DNAH9: variants seen among roughly 807,000 people sequenced by gnomAD.
DNAH9 encodes the protein dynein axonemal heavy chain 9, also known as DNAH9 variant protein.
Under a neutral mutation model 471.6 loss-of-function variants are expected in DNAH9, and 345 were observed. The ratio of observed to expected loss-of-function variants is 0.73; its 90% CI spans 0.67 to 0.80. The LOEUF is 0.80. Among genes scored for constraint, DNAH9 ranks in the 30% least tolerant of loss-of-function variants. The pLI, the probability that DNAH9 is intolerant of heterozygous loss-of-function variation, is 0.00. For missense variants in DNAH9, 5,407 were observed against 5,609.2 expected, an observed-to-expected ratio of 0.96 and a Z score of 1.15; for synonymous variants, 2,093 against 2,123.6, an observed-to-expected ratio of 0.99 and a Z score of 0.40.
At chr17:11,622,046 A>G (rs866678164) in intron 6 of DNAH9, among the ~76,000 whole-genome samples, 76 of 151,490 alleles carry the variant, frequency 5.0e-4, no homozygotes, top group African/African-American at 1.6e-3. Context: ...AGATCGCGCC[A>G]CTGCACTCCA....
rs201061782 is a variant in DNAH9 at position 11,757,511 on chromosome 17, A to G, written c.6848-34A>G. On this transcript the variant is annotated intron_variant, in intron 34 of 68. Transcript: ENST00000262442. ...GTGAAAAATATAATGATGTATATGG[A>G]ATATTCACTAAACTGTATTCTCTGT... The G allele has an allele frequency of 8.9e-6, 14 of 1,578,708 alleles. No individual in the cohort carries two copies. In the East Asian group the frequency reaches 2.9e-4, roughly 33 times the overall value.
chr17:11,730,941 G>A (rs561480866), intron 28 of DNAH9, among the ~76,000 whole-genome samples: 19 of 26,380 alleles, frequency 7.2e-4, no homozygotes, highest in South Asian at 0.015. Flanking sequence ...TGGTGATGAC[G>A]GTGATGATGA....
rs1270950169 is a variant in DNAH9 at position 11,932,529 on chromosome 17, C to T, written c.12297+324C>T. 6.6e-6 allele frequency among the ~76,000 whole-genome samples: 1 copy of T among 152,214 alleles called. No individual in the cohort carries two copies. Among genetic ancestry groups the T allele is most frequent in the African/African-American group, 2.4e-5 (1 of 41,470 alleles). On this transcript the variant is annotated intron_variant, in intron 64 of 68. Transcript: ENST00000262442. The surrounding 1 kb of genome is among the most constrained non-coding windows in gnomAD (Gnocchi z 4.3). ...GAATCTCAGGTCCCACCCAAACTTA[C>T]TGAATCAGCGCATTTTAACGAGATT... is the stretch of plus-strand genomic sequence containing the variant.
At position 11,892,359 on chromosome 17, in the gene DNAH9, T is replaced by G. The variant is rs1363540410; in HGVS notation, c.11283+412T>G. ...ATTTACCTTTAGACTGCAAGTTTACTGATGCAGCCATCCCCCGGGATAAGA... is the reference window on the plus strand; with the variant it reads ...ATTTACCTTTAGACTGCAAGTTTACGGATGCAGCCATCCCCCGGGATAAGA... On this transcript the variant is annotated intron_variant, in intron 58 of 68. Coordinates refer to ENST00000262442, the MANE Select transcript of DNAH9 (RefSeq NM_001372.4). The surrounding 1 kb of genome is among the most constrained non-coding windows in gnomAD (Gnocchi z 4.3). Among the ~76,000 whole-genome samples, 1 of 152,210 alleles carries G rather than the reference T, an allele frequency of 6.6e-6. No individual in the cohort carries two copies. The highest frequency in any genetic ancestry group is 2.4e-5 in the African/African-American group (1 of 41,460).
chr17:11,848,968 C>G (rs563608324), intron 49 of DNAH9, among the ~76,000 whole-genome samples: 1 of 152,148 alleles, frequency 6.6e-6, no homozygotes, highest in East Asian at 1.9e-4. Context: ...TCCCAAGTAG[C>G]TGGGACTACA....
chr17:11,871,153 C>T (rs998571466), intron 51 of DNAH9, among the ~76,000 whole-genome samples: 22 of 152,258 alleles, frequency 1.4e-4, no homozygotes, highest in African/African-American at 5.3e-4. Flanking sequence ...TCTGTCTCCT[C>T]GCCCGCTGTG....
chr17:11,901,219 C>T (rs4791483), intron 59 of DNAH9, among the ~76,000 whole-genome samples: 91,338 of 151,898 alleles, frequency 0.6, 30,598 homozygotes, highest in Middle Eastern at 0.76. Flanking sequence ...GTGCCCAGGG[C>T]AGAAGGGGAA....
chr17:11,829,722 C>T (rs1427514581), intron 48 of DNAH9, among the ~76,000 whole-genome samples: 1 of 152,218 alleles, frequency 6.6e-6, no homozygotes, highest in Non-Finnish European at 1.5e-5. Flanking sequence ...ATCCTCCCGC[C>T]TGGGCCTTCC....
chr17:11,824,995 A>G (rs1229928826), intron 48 of DNAH9, among the ~76,000 whole-genome samples: 1 of 124,474 alleles, frequency 8.0e-6, no homozygotes. Flanking sequence ...TTTTTTCTTT[A>G]TTTACCTTCA....
At chr17:11,828,459 G>A (rs891676389) in intron 48 of DNAH9, among the ~76,000 whole-genome samples, 3 of 125,974 alleles carry the variant, frequency 2.4e-5, no homozygotes, top group Non-Finnish European at 4.9e-5. Context: ...GGCAACAAGA[G>A]TGAAACTCCG....
chr17:11,898,705 G>C lies in DNAH9; in HGVS notation c.11407-4014G>C, dbSNP rs77966531. 6.2e-3 allele frequency among the ~76,000 whole-genome samples: 945 copies of C among 152,310 alleles called. 7 individuals carry two copies. Among genetic ancestry groups the C allele is most frequent in the African/African-American group, 0.021 (876 of 41,574 alleles). On this transcript the variant is annotated intron_variant, in intron 59 of 68. Coordinates refer to ENST00000262442, the MANE Select transcript of DNAH9 (RefSeq NM_001372.4). The stretch of plus-strand genomic sequence containing the variant: ...GAAAAACTTTCAGGAACTGTGAGTT[G>C]TGCAGTTTGGACCAAGTCCAGTTGC...
chr17:11,934,896 T>C (rs1327488397), intron 65 of DNAH9, among the ~76,000 whole-genome samples: 2 of 152,178 alleles, frequency 1.3e-5, no homozygotes, highest in Non-Finnish European at 2.9e-5. Context: ...TCCCACTCCG[T>C]GTTGGTGGCT....
rs1968758408 is a variant in DNAH9 at position 11,783,842 on chromosome 17, T to C, written c.7821+94T>C. 3 of 989,576 alleles carry C rather than the reference T, an allele frequency of 3.0e-6. No homozygotes were observed. In the South Asian group the frequency reaches 4.5e-5, roughly 15 times the overall value. 61.3% of individuals were successfully genotyped at this position (989,576 alleles called of 1,614,324 possible). A position where few individuals can be genotyped will look rare whatever the true frequency, so the allele number is the denominator to read the frequency against. ...GTATAATAATTGGCCTTTTTCCCCA[T>C]GCAGCCTCTCAGAATGGTAAATCAG... On this transcript the variant is annotated intron_variant, in intron 40 of 68. Transcript: ENST00000262442.
Position 11,744,874 on chromosome 17 carries a change from C to A in DNAH9, c.6189C>A (p.Asp2063Glu), listed in dbSNP as rs781456928. ...VAGSLKRGDP[D>E]RPEDQVLMRS... ...GATCCCTGAAGAGAGGAGACCCTGACCGGCCTGAGGACCAGGTCCTGATGC... is the reference window on the plus strand; with the variant it reads ...GATCCCTGAAGAGAGGAGACCCTGAACGGCCTGAGGACCAGGTCCTGATGC... The change falls in exon 31 of 69, where the codon GAC (aspartate) becomes GAA (glutamate). Residue 2063 changes from aspartate to glutamate, a missense_variant. Physicochemically the swap from Asp to Glu is conservative, Grantham distance 45. Around this residue, in one of 3 missense-constraint regions of DNAH9, gnomAD observed 4,636 missense variants for 4,900.3 expected, o/e 0.95. Coordinates refer to ENST00000262442, the MANE Select transcript of DNAH9 (RefSeq NM_001372.4). The A allele has an allele frequency of 6.2e-7, 1 of 1,614,198 alleles. No homozygotes were observed. Among genetic ancestry groups the A allele is most frequent in the South Asian group, 1.1e-5 (1 of 91,088 alleles).
At chr17:11,847,236 G>A (rs1971258319) in intron 49 of DNAH9, among the ~76,000 whole-genome samples, 1 of 152,062 alleles carries the variant, frequency 6.6e-6, no homozygotes, top group African/African-American at 2.4e-5. Flanking sequence ...GTCAATTTTT[G>A]CTTTTGTCAC....
chr17:11,873,930 A>G (rs1220412465), intron 52 of DNAH9, among the ~76,000 whole-genome samples: 1 of 152,142 alleles, frequency 6.6e-6, no homozygotes, highest in African/African-American at 2.4e-5. Context: ...TGGGTCATCA[A>G]TGAAAAAGAT....
At chr17:11,676,275 C>CTTTTTTTTT (rs67397847) in intron 17 of DNAH9, among the ~76,000 whole-genome samples, 259 of 73,708 alleles carry the variant, frequency 3.5e-3, no homozygotes, top group Non-Finnish European at 4.4e-3. Context: ...CATTTCTGTT[C>CTTTTTTTTT]TTTTTTTTTT....
intron 27 of DNAH9, among the ~76,000 whole-genome samples, chr17:11,720,351 A>G (rs568186026): frequency 7.9e-5 from 12 of 151,878 alleles, no homozygotes; most frequent in East Asian, 3.9e-4. Context: ...TGCACCCATT[A>G]ACTCATCATT....
chr17:11,871,736 C>G lies in DNAH9; in HGVS notation c.10192C>G (p.Arg3398Gly). Residue 3398 changes from arginine (R) to glycine (G), a missense_variant, in exon 52 of 69, where the codon CGG (arginine) becomes GGG (glycine). Arg to Gly is a moderately radical substitution (Grantham distance 125). Transcript: ENST00000262442. The part of the protein sequence containing the change: ...SYLGFFTKKY[R>G]QSLLDRTWRP... The stretch of plus-strand genomic sequence containing the variant: ...CCTTGGCTTCTTCACAAAGAAATAC[C>G]GGCAGAGCCTCCTGGACAGAACTTG... 6.2e-7 allele frequency: 1 copy of G among 1,614,176 alleles called. No individual in the cohort carries two copies. Among genetic ancestry groups the G allele is most frequent in the Non-Finnish European group, 8.5e-7 (1 of 1,180,036 alleles).
Sources: gnomAD v4.1 joint callset for allele counts (sites outside exome capture counted in the v4.1 genomes callset) on GRCh38, gnomAD v4.1.1 for gene constraint, gnomAD v4.1.1 regional missense constraint, Gnocchi (gnomAD v3.1) non-coding constraint, MANE v1.5 for transcripts, NCBI Gene and HGNC (gene_info 2026-07-23, HGNC 2026-07-21) for gene names.